HPSE2: variants seen among roughly 807,000 people sequenced by gnomAD.
The protein encoded by HPSE2 is inactive heparanase-2.
In HPSE2, 38 loss-of-function variants were observed where a neutral mutation model predicts 60.5. The observed-to-expected ratio is 0.63, with a 90% CI of 0.48 to 0.82. The LOEUF (loss-of-function observed/expected upper bound fraction) is 0.82, where lower values mean the gene tolerates loss of function less well. Among genes scored for constraint, HPSE2 ranks in the 40% least tolerant of loss-of-function variants. HPSE2 has a pLI of 0.00. For synonymous variants in HPSE2, 295 were observed against 293.2 expected (o/e 1.01, Z -0.06); for missense variants, 713 against 740.4 (o/e 0.96, Z 0.43).
At chr10:99,240,985 G>T in the HPSE2 span, among the ~76,000 whole-genome samples, 1 of 152,100 alleles carries the variant, frequency 6.6e-6, no homozygotes, top group Non-Finnish European at 1.5e-5. Context: ...CAACTATGAT[G>T]ACTAATATTT....
intron 3 of HPSE2, among the ~76,000 whole-genome samples, chr10:98,926,408 A>C (rs1314135688): frequency 1.3e-5 from 2 of 152,184 alleles, no homozygotes. Context: ...GTAATGGTAC[A>C]ATACAGCTAG....
At chr10:98,790,700 C>T (rs1337723465) in intron 3 of HPSE2, among the ~76,000 whole-genome samples, 1 of 152,118 alleles carries the variant, frequency 6.6e-6, no homozygotes, top group African/African-American at 2.4e-5. Flanking sequence ...CTGAATATTT[C>T]TACAATGTGT....
intron 5 of HPSE2, among the ~76,000 whole-genome samples, chr10:98,719,932 T>C (rs781309453): frequency 2.7e-4 from 41 of 151,602 alleles, no homozygotes; most frequent in Admixed American, 2.2e-3. Context: ...ACCCAGGAGA[T>C]GGAGGTTGCA....
intron 3 of HPSE2, among the ~76,000 whole-genome samples, chr10:98,891,618 T>G (rs1016046927): frequency 6.6e-6 from 1 of 151,524 alleles, no homozygotes; most frequent in African/African-American, 2.4e-5. Flanking sequence ...CACCACTAAT[T>G]TTTATTTTCT....
At chr10:99,208,004 A>G (rs929606679) in intron 2 of HPSE2, among the ~76,000 whole-genome samples, 1 of 149,254 alleles carries the variant, frequency 6.7e-6, no homozygotes, top group Admixed American at 6.7e-5. Flanking sequence ...ACAATATACT[A>G]TAATTTATTA....
chr10:98,926,311 A>G (rs1399212412), intron 3 of HPSE2, among the ~76,000 whole-genome samples: 2 of 152,196 alleles, frequency 1.3e-5, no homozygotes, highest in African/African-American at 4.8e-5. Flanking sequence ...AAAGGTCTAC[A>G]TAAGAATTAC....
rs56393224 is a variant in HPSE2 at position 99,168,087 on chromosome 10, T to TACACACACACACAC, written c.449-23702_449-23689dup. On this transcript the variant is annotated intron_variant, in intron 2 of 11. Transcript: ENST00000370552. ...CATCTATTGAGGTGATCAGCCTATT[T>TACACACACACACAC]ACACACACACACACACACACACACA... Among the ~76,000 whole-genome samples, 1,216 of 144,696 alleles carry TACACACACACACAC rather than the reference T, an allele frequency of 8.4e-3. 3 individuals carry two copies. Among genetic ancestry groups the TACACACACACACAC allele is most frequent in the Non-Finnish European group, 0.013 (879 of 66,450 alleles). 94.9% of individuals were successfully genotyped at this position (144,696 alleles called of 152,430 possible).
intron 9 of HPSE2, among the ~76,000 whole-genome samples, chr10:98,575,310 C>T (rs1944612280): frequency 6.6e-6 from 1 of 152,252 alleles, no homozygotes; most frequent in Admixed American, 6.5e-5. Flanking sequence ...TCAGGGTACC[C>T]ATTTTCCACA....
intron 7 of HPSE2, among the ~76,000 whole-genome samples, chr10:98,623,399 G>T (rs1417592841): frequency 6.6e-6 from 1 of 152,108 alleles, no homozygotes; most frequent in African/African-American, 2.4e-5. Flanking sequence ...AGATGAACAT[G>T]TTCTAAAATT....
intron 9 of HPSE2, among the ~76,000 whole-genome samples, chr10:98,501,962 A>C (rs1036906527): frequency 2.0e-5 from 3 of 152,140 alleles, no homozygotes; most frequent in African/African-American, 7.2e-5. Context: ...TGCAAAAAAA[A>C]AAACAAACTT....
At chr10:99,227,222 C>T (rs1421001229) in intron 2 of HPSE2, among the ~76,000 whole-genome samples, 1 of 151,946 alleles carries the variant, frequency 6.6e-6, no homozygotes, top group African/African-American at 2.4e-5. Flanking sequence ...AAAGTATACA[C>T]ACATTCATCA....
the HPSE2 span, among the ~76,000 whole-genome samples, chr10:99,273,111 T>G: frequency 6.6e-6 from 1 of 152,126 alleles, no homozygotes; most frequent in Non-Finnish European, 1.5e-5. Flanking sequence ...AATAAAGACA[T>G]TTGCAGCAAG....
At chr10:99,260,729 T>G in the HPSE2 span, among the ~76,000 whole-genome samples, 132,970 of 151,824 alleles carry the variant, frequency 0.88, 58,429 homozygotes, top group African/African-American at 0.94. Context: ...CAAGTCAACT[T>G]TGGGGACACC....
At chr10:98,743,789 G>T in intron 4 of HPSE2, 94 bp downstream of exon 4, 1 of 1,145,612 alleles carries the variant, frequency 8.7e-7, no homozygotes, top group Non-Finnish European at 1.3e-6. Context: ...TCTGGGCCAG[G>T]GTACTAGAGA....
At chr10:98,681,545 T>C (rs1019058531) in intron 6 of HPSE2, among the ~76,000 whole-genome samples, 1 of 152,210 alleles carries the variant, frequency 6.6e-6, no homozygotes, top group South Asian at 2.1e-4. Flanking sequence ...ATAGTCCACA[T>C]TGTAACTAAC....
intron 3 of HPSE2, chr10:99,047,605 TAAATC>T (rs1332419589): frequency 1.5e-6 from 1 of 652,860 alleles, no homozygotes; most frequent in East Asian, 2.5e-5. Context: ...ATAAGGGACT[TAAATC>T]AACAAGCAGC....
intron 5 of HPSE2, among the ~76,000 whole-genome samples, chr10:98,706,375 T>C (rs1440494811): frequency 6.6e-6 from 1 of 152,228 alleles, no homozygotes; most frequent in Non-Finnish European, 1.5e-5. Flanking sequence ...AGCCCTTCAA[T>C]GCTTATTGTA....
intron 2 of HPSE2, among the ~76,000 whole-genome samples, chr10:99,205,590 A>AT (rs1848719341): frequency 6.6e-6 from 1 of 152,178 alleles, no homozygotes; most frequent in Non-Finnish European, 1.5e-5. Flanking sequence ...TCAAAAAAAA[A>AT]GCTCATTTTC....
chr10:98,652,919 C>T (rs1946956811), intron 6 of HPSE2, among the ~76,000 whole-genome samples: 1 of 152,114 alleles, frequency 6.6e-6, no homozygotes, highest in Non-Finnish European at 1.5e-5. Flanking sequence ...TTAGTCTTGT[C>T]ACCTTAAGCA....
Sources: allele counts gnomAD v4.1 joint callset (sites outside exome capture counted in the v4.1 genomes callset), GRCh38; gene constraint gnomAD v4.1.1; transcripts MANE v1.5; gene names NCBI Gene and HGNC (gene_info 2026-07-23, HGNC 2026-07-21).